Variants in UPP2 observed in about 807,000 individuals in gnomAD.
UPP2 encodes UPase 2.
Under a neutral mutation model 26.7 loss-of-function variants are expected in UPP2, and 23 were observed. The observed-to-expected ratio is 0.86, with a 90% CI of 0.62 to 1.22. The LOEUF is 1.22. UPP2 is among the 50% of genes most tolerant of loss of function. UPP2 has a pLI of 0.00. For synonymous variants in UPP2, 127 were observed against 141.3 expected, an observed-to-expected ratio of 0.90 and a Z score of 0.72; for missense variants, 387 against 396.7, an observed-to-expected ratio of 0.98 and a Z score of 0.21.
intron 3 of UPP2, among the ~76,000 whole-genome samples, chr2:158,052,220 C>T (rs141277602): frequency 6.6e-6 from 1 of 152,116 alleles, no homozygotes; most frequent in Non-Finnish European, 1.5e-5. Context: ...GAACATGTCA[C>T]CTGAAGGAAA....
At chr2:158,026,406 C>T (rs1232986766) in intron 3 of UPP2, among the ~76,000 whole-genome samples, 3 of 152,130 alleles carry the variant, frequency 2.0e-5, no homozygotes, top group African/African-American at 7.2e-5. Flanking sequence ...GTTCTCTGAT[C>T]AGGCCAGCTC....
chr2:158,073,038 G>A (rs149065824), intron 3 of UPP2, among the ~76,000 whole-genome samples: 1 of 152,096 alleles, frequency 6.6e-6, no homozygotes, highest in African/African-American at 2.4e-5. Context: ...TTCAGACAGA[G>A]AATTCAAAAT....
chr2:158,118,310 T>G (rs1283065206), intron 4 of UPP2, among the ~76,000 whole-genome samples: 1 of 151,952 alleles, frequency 6.6e-6, no homozygotes, highest in South Asian at 2.1e-4. Flanking sequence ...CATAAAAATG[T>G]CCCAGTTTTA....
intron 6 of UPP2, among the ~76,000 whole-genome samples, chr2:158,125,529 C>T (rs547628785): frequency 6.6e-6 from 1 of 151,624 alleles, no homozygotes; most frequent in African/African-American, 2.4e-5. Flanking sequence ...TCAAGCAATT[C>T]TCTTGCCTCA....
chr2:158,047,560 G>A (rs529681347), intron 3 of UPP2, among the ~76,000 whole-genome samples: 13 of 152,294 alleles, frequency 8.5e-5, no homozygotes, highest in African/African-American at 2.9e-4. Context: ...CAAACCAAGA[G>A]ACCAGTGGAA....
chr2:158,064,919 G>T (rs1488007894), intron 3 of UPP2, among the ~76,000 whole-genome samples: 1 of 152,114 alleles, frequency 6.6e-6, no homozygotes, highest in Non-Finnish European at 1.5e-5. Context: ...CTATTTCTGA[G>T]ACCTCTGTTC....
At chr2:158,051,208 T>C (rs1287610692) in intron 3 of UPP2, among the ~76,000 whole-genome samples, 1 of 151,668 alleles carries the variant, frequency 6.6e-6, no homozygotes, top group Non-Finnish European at 1.5e-5. Flanking sequence ...TATGTGTGTA[T>C]AATATCTTTC....
chr2:158,010,471 T>G (rs1683557662), intron 2 of UPP2, among the ~76,000 whole-genome samples: 1 of 152,256 alleles, frequency 6.6e-6, no homozygotes, highest in South Asian at 2.1e-4. Flanking sequence ...AGCCCCATCT[T>G]GTGGTTGTTT....
intron 3 of UPP2, among the ~76,000 whole-genome samples, chr2:158,021,812 AC>A (rs1357133881): frequency 1.3e-5 from 2 of 152,210 alleles, no homozygotes; most frequent in Non-Finnish European, 1.5e-5. Flanking sequence ...AAAAGACAAA[AC>A]AGAGGGAAGG....
intron 3 of UPP2, among the ~76,000 whole-genome samples, chr2:158,080,532 C>T (rs1682706267): frequency 6.6e-6 from 1 of 152,174 alleles, no homozygotes; most frequent in Non-Finnish European, 1.5e-5. Context: ...CATTTATCCA[C>T]ACACTGATTA....
At chr2:158,038,268 A>C in intron 3 of UPP2, among the ~76,000 whole-genome samples, 1 of 152,236 alleles carries the variant, frequency 6.6e-6, no homozygotes. Context: ...GCTTTCATAC[A>C]TGGAGAAACA....
At chr2:158,102,185 A>G (rs1226686200) in intron 1 of UPP2, 60 bp downstream of exon 1, 1 of 1,580,376 alleles carries the variant, frequency 6.3e-7, no homozygotes, top group Non-Finnish European at 8.6e-7. Context: ...TGGATTTTGT[A>G]TTAAATGATT....
At chr2:158,091,839 G>C (rs1282427499) in intron 3 of UPP2, among the ~76,000 whole-genome samples, 1 of 152,216 alleles carries the variant, frequency 6.6e-6, no homozygotes, top group East Asian at 1.9e-4. Context: ...CACATTGTCA[G>C]TTCTGACTCA....
Position 158,016,136 on chromosome 2 carries a change from AAACT to A in UPP2, c.147+254_147+257del, listed in dbSNP as rs915648992. Among the ~76,000 whole-genome samples the A allele has an allele frequency of 1.5e-4, 23 of 150,552 alleles. 1 individual carries two copies. In the South Asian group the frequency reaches 2.7e-3, roughly 18 times the overall value. On this transcript the variant is annotated intron_variant, in intron 3 of 9. Coordinates refer to the UPP2 transcript ENST00000605860. Reference sequence around the variant, plus strand: ...CACTAACACTTGTTTAAAAAAAAAAAAACTAACAGATTTTTTTTTTAAATTACTT... The same window carrying A: ...CACTAACACTTGTTTAAAAAAAAAAAAACAGATTTTTTTTTTAAATTACTT...
intron 3 of UPP2, among the ~76,000 whole-genome samples, chr2:158,069,136 G>C (rs1431327911): frequency 2.6e-5 from 4 of 151,972 alleles, no homozygotes. Context: ...CCAGAGGCTA[G>C]TCGCCTCTGG....
chr2:158,027,403 C>A (rs183318311), intron 3 of UPP2, among the ~76,000 whole-genome samples: 2 of 152,148 alleles, frequency 1.3e-5, no homozygotes, highest in Non-Finnish European at 2.9e-5. Context: ...AATTTTAAAG[C>A]GCCAAAATGA....
chr2:158,109,980 A>T (rs2105217606), intron 2 of UPP2, among the ~76,000 whole-genome samples: 1 of 152,298 alleles, frequency 6.6e-6, no homozygotes, highest in African/African-American at 2.4e-5. Context: ...AAATTTATAG[A>T]ATTAAAGGCT....
At chr2:158,067,415 C>T (rs991498737) in intron 3 of UPP2, among the ~76,000 whole-genome samples, 1 of 148,808 alleles carries the variant, frequency 6.7e-6, no homozygotes, top group African/African-American at 2.5e-5. Flanking sequence ...ACAAACCAAA[C>T]TTCTTCCCTA....
intron 2 of UPP2, among the ~76,000 whole-genome samples, chr2:158,111,315 G>A (rs1159316435): frequency 6.6e-6 from 1 of 151,984 alleles, no homozygotes. Context: ...TGTCTTCTTG[G>A]TAAACTGACT....
Sources: gnomAD v4.1 joint callset for allele counts (sites outside exome capture counted in the v4.1 genomes callset) on GRCh38, gnomAD v4.1.1 for gene constraint, MANE v1.5 for transcripts, NCBI Gene and HGNC (gene_info 2026-07-23, HGNC 2026-07-21) for gene names.